The following DCC variants were observed in gnomAD, a reference collection of about 807,000 sequenced individuals.
DCC encodes the protein netrin receptor DCC.
DCC carries 58 observed loss-of-function variants against 172.5 expected under a neutral mutation model. The ratio of observed to expected loss-of-function variants is 0.34; its 90% confidence interval spans 0.27 to 0.42. The LOEUF (loss-of-function observed/expected upper bound fraction) is 0.42. Among genes scored for constraint, DCC ranks in the 10% least tolerant of loss-of-function variants. The probability of loss-of-function intolerance (pLI) is 1.00; values close to 1 mark genes in which losing one functional copy is unlikely to be tolerated. For missense variants in DCC, 1,740 were observed against 1,791.0 expected (o/e 0.97, Z 0.51); for synonymous variants, 709 against 644.5 (o/e 1.10, Z -1.52).
chr18:52,792,630 G>C (rs2037792436), intron 2 of DCC, among the ~76,000 whole-genome samples: 1 of 152,202 alleles, frequency 6.6e-6, no homozygotes, highest in Non-Finnish European at 1.5e-5. Context: ...GTTCTCTCCA[G>C]TAGGTGTGAC....
intron 5 of DCC, chr18:52,931,672 AG>A (rs2040308841): frequency 6.6e-6 from 1 of 152,104 alleles, no homozygotes; most frequent in African/African-American, 2.4e-5. Context: ...AGCTTTTTGG[AG>A]ATATCTTTAT....
chr18:53,234,612 A>G (rs2056175010), intron 12 of DCC, among the ~76,000 whole-genome samples: 1 of 152,094 alleles, frequency 6.6e-6, no homozygotes, highest in Non-Finnish European at 1.5e-5. Context: ...AAAATTAGTT[A>G]TAAAATCACC....
intron 2 of DCC, among the ~76,000 whole-genome samples, chr18:52,821,316 G>A (rs994335536): frequency 6.6e-6 from 1 of 152,038 alleles, no homozygotes; most frequent in South Asian, 2.1e-4. Flanking sequence ...TCCAACCGAG[G>A]TGTATTCCTC....
chr18:53,021,664 C>A (rs2041883650), intron 5 of DCC, among the ~76,000 whole-genome samples: 1 of 152,166 alleles, frequency 6.6e-6, no homozygotes, highest in Admixed American at 6.5e-5. Context: ...CTGAACTCAA[C>A]TACTTAATTT....
intron 21 of DCC, among the ~76,000 whole-genome samples, chr18:53,420,470 G>A (rs1199770798): frequency 6.6e-6 from 1 of 152,106 alleles, no homozygotes; most frequent in Non-Finnish European, 1.5e-5. Flanking sequence ...AATACAAAAC[G>A]CTATATACTG....
At chr18:53,208,260 G>A (rs1056192161) in intron 11 of DCC, among the ~76,000 whole-genome samples, 2 of 151,772 alleles carry the variant, frequency 1.3e-5, no homozygotes, top group Admixed American at 1.3e-4. Context: ...GGGCAACAGA[G>A]TAAGACCCTT....
In DCC at chr18:53,486,804, G is replaced by A. The variant is rs768282870; in HGVS notation, c.3744G>A (p.Val1248=). 6 of 1,614,068 alleles carry A rather than the reference G, an allele frequency of 3.7e-6. No individual in the cohort carries two copies. In the East Asian group the frequency reaches 8.9e-5, roughly 24 times the overall value. Residue 1248 remains valine (V), a synonymous_variant, in exon 26 of 29, where the codon GTG becomes GTA. Coordinates refer to ENST00000442544, the MANE Select transcript of DCC (RefSeq NM_005215.4). ...AACCTTTTTCTTTTGCAGCTGTCGT[G>A]AGCGCCATCCCGGTGCCAACGCTAG... ...MDAQSNNPAV[V]SAIPVPTLES... is the part of the protein sequence containing the mutation.
At chr18:52,549,825 T>A (rs997285803) in intron 1 of DCC, among the ~76,000 whole-genome samples, 1 of 152,026 alleles carries the variant, frequency 6.6e-6, no homozygotes, top group Non-Finnish European at 1.5e-5. Flanking sequence ...GCTTTTTTTT[T>A]TCCTTTACAG....
chr18:52,804,250 T>TTTAGAAA (rs5824963), intron 2 of DCC, among the ~76,000 whole-genome samples: 1 of 151,382 alleles, frequency 6.6e-6, no homozygotes, highest in Admixed American at 6.6e-5. Flanking sequence ...TGTATACAAC[T>TTTAGAAA]TTAGTTCTCA....
intron 1 of DCC, among the ~76,000 whole-genome samples, chr18:52,723,610 C>T (rs556084770): frequency 1.3e-5 from 2 of 152,218 alleles, no homozygotes; most frequent in South Asian, 4.1e-4. Flanking sequence ...GTGGGAGGGC[C>T]CTGCAGCCAG....
intron 12 of DCC, among the ~76,000 whole-genome samples, chr18:53,220,933 T>A (rs1267500242): frequency 6.6e-6 from 1 of 152,082 alleles, no homozygotes; most frequent in Non-Finnish European, 1.5e-5. Flanking sequence ...GTCTAGTCTT[T>A]CTGTTTGGAA....
At chr18:53,036,462 T>C (rs1361811808) in intron 5 of DCC, among the ~76,000 whole-genome samples, 1 of 152,060 alleles carries the variant, frequency 6.6e-6, no homozygotes, top group Non-Finnish European at 1.5e-5. Flanking sequence ...ACCTCTTGTT[T>C]ATGAGCCACA....
intron 1 of DCC, among the ~76,000 whole-genome samples, chr18:52,392,523 A>G (rs1222511225): frequency 6.6e-6 from 1 of 152,126 alleles, no homozygotes; most frequent in Non-Finnish European, 1.5e-5. Flanking sequence ...CTTTATGTAC[A>G]ATGCAAGTTG....
intron 12 of DCC, among the ~76,000 whole-genome samples, chr18:53,255,109 C>T (rs1037545070): frequency 6.6e-6 from 1 of 152,022 alleles, no homozygotes; most frequent in Non-Finnish European, 1.5e-5. Flanking sequence ...CAGGGATCAG[C>T]TGGGAAGCAT....
At chr18:53,105,344 G>T (rs892916684) in intron 7 of DCC, among the ~76,000 whole-genome samples, 1 of 151,900 alleles carries the variant, frequency 6.6e-6, no homozygotes, top group Non-Finnish European at 1.5e-5. Flanking sequence ...GGGCCACAAG[G>T]GCTGTTAGAT....
intron 2 of DCC, chr18:52,754,003 C>A (rs73457799): frequency 6.6e-6 from 1 of 151,968 alleles, no homozygotes. Flanking sequence ...CTGCTTTCAA[C>A]GTAATCTTTA....
At chr18:53,038,553 T>A (rs2042125703) in intron 5 of DCC, among the ~76,000 whole-genome samples, 1 of 151,990 alleles carries the variant, frequency 6.6e-6, no homozygotes, top group Non-Finnish European at 1.5e-5. Context: ...CGCAGAACTT[T>A]CTCTCTCTTA....
intron 2 of DCC, among the ~76,000 whole-genome samples, chr18:52,857,335 T>G (rs928186798): frequency 6.6e-6 from 1 of 152,214 alleles, no homozygotes; most frequent in Non-Finnish European, 1.5e-5. Context: ...CTCACTCCAT[T>G]AAATTAGTTC....
In DCC at chr18:52,932,472, C is replaced by T. The variant is rs543369564; in HGVS notation, c.985+7102C>T. ...GGACAAACCTTGTGTACTGTCCTTA[C>T]ACACACAGGTGGAGATGAGTGGGAA... On this transcript the variant is annotated intron_variant, in intron 5 of 28. Transcript: ENST00000442544. Among the ~76,000 whole-genome samples, 3 of 152,246 alleles carry T rather than the reference C, an allele frequency of 2.0e-5. No homozygotes were observed. In the South Asian group the frequency reaches 6.2e-4, roughly 32 times the overall value.
Sources: gnomAD v4.1 joint callset for allele counts (sites outside exome capture counted in the v4.1 genomes callset) on GRCh38, gnomAD v4.1.1 for gene constraint, MANE v1.5 for transcripts, NCBI Gene and HGNC (gene_info 2026-07-23, HGNC 2026-07-21) for gene names.